PDZRN3: variants seen among roughly 807,000 people sequenced by gnomAD.
The protein encoded by PDZRN3 is PDZ domain containing ring finger 3.
A neutral mutation model predicts 85.7 loss-of-function variants in PDZRN3; 38 were observed. The ratio of observed to expected loss-of-function variants is 0.44; its 90% confidence interval spans 0.34 to 0.58. The LOEUF is 0.58. Among genes scored for constraint, PDZRN3 ranks in the 20% least tolerant of loss-of-function variants. PDZRN3 has a pLI of 0.01. For missense variants in PDZRN3, 1,629 were observed against 1,506.4 expected (o/e 1.08, Z -1.35); for synonymous variants, 759 against 638.0 (o/e 1.19, Z -2.86).
chr3:73,617,576 C>T (rs574915154), intron 1 of PDZRN3, among the ~76,000 whole-genome samples: 1 of 152,290 alleles, frequency 6.6e-6, no homozygotes, highest in South Asian at 2.1e-4. Context: ...ATGTGAGGAG[C>T]TAAACTGCAG....
intron 3 of PDZRN3, among the ~76,000 whole-genome samples, chr3:73,586,509 G>A (rs951125420): frequency 2.0e-5 from 3 of 152,284 alleles, no homozygotes; most frequent in East Asian, 1.9e-4. Flanking sequence ...GAGAATATGC[G>A]GTGTGCAGAG....
At chr3:73,462,113 A>G (rs764922366) in intron 3 of PDZRN3, among the ~76,000 whole-genome samples, 7 of 152,212 alleles carry the variant, frequency 4.6e-5, no homozygotes, top group Non-Finnish European at 8.8e-5. Flanking sequence ...GAAAAGCAAG[A>G]TGTCAGATAG....
rs777325902 is a variant in PDZRN3, at chr3:73,608,671, T to C, written c.737A>G (p.Lys246Arg). The change falls in exon 2 of 10, where the codon AAA becomes AGA. Residue 246 changes from lysine (K) to arginine (R), a missense_variant. Coordinates refer to ENST00000263666, the MANE Select transcript of PDZRN3 (RefSeq NM_015009.3). ...CCGATGCAGGACAAGAGTCAGACTT[T>C]TGGTTTCTTCGCCCTGCAGGTAACA... ...APPGGKGEET[K>R]SLTLVLHRDS... 2.2e-5 allele frequency: 36 copies of C among 1,610,656 alleles called. No individual in the cohort carries two copies. Among genetic ancestry groups the C allele is most frequent in the Non-Finnish European group, 3.1e-5 (36 of 1,177,982 alleles).
At chr3:73,559,348 G>T (rs1164432678) in intron 3 of PDZRN3, among the ~76,000 whole-genome samples, 4 of 152,094 alleles carry the variant, frequency 2.6e-5, no homozygotes, top group African/African-American at 9.7e-5. Flanking sequence ...ATGGAAAGGG[G>T]CAACAAAACC....
Position 73,528,702 on chromosome 3 carries a change from G to A in PDZRN3, c.918+73652C>T, listed in dbSNP as rs374713806. 5.1e-4 allele frequency among the ~76,000 whole-genome samples: 77 copies of A among 152,078 alleles called. No individual in the cohort carries two copies. The South Asian group carries it at 9.3e-3, about 18-fold the overall frequency. ...TGAAGATCAAAAAAAGTAACAAAACGAACCATTTTTAAAGGATGGTGAAAC... is the reference window on the plus strand; with the variant it reads ...TGAAGATCAAAAAAAGTAACAAAACAAACCATTTTTAAAGGATGGTGAAAC... On this transcript the variant is annotated intron_variant, in intron 3 of 9. Coordinates refer to ENST00000263666, the MANE Select transcript of PDZRN3 (RefSeq NM_015009.3).
At chr3:73,530,485 A>AT (rs970266670) in intron 3 of PDZRN3, among the ~76,000 whole-genome samples, 8 of 151,806 alleles carry the variant, frequency 5.3e-5, no homozygotes, top group African/African-American at 9.7e-5. Flanking sequence ...CGCTTTGAGA[A>AT]TTTTTTTTTA....
chr3:73,441,115 T>C (rs1435757331), intron 3 of PDZRN3, among the ~76,000 whole-genome samples: 1 of 152,108 alleles, frequency 6.6e-6, no homozygotes, highest in Non-Finnish European at 1.5e-5. Context: ...ATAACAACCA[T>C]TTAAAAATGT....
intron 3 of PDZRN3, among the ~76,000 whole-genome samples, chr3:73,472,204 G>A (rs1232608366): frequency 6.6e-6 from 1 of 152,198 alleles, no homozygotes; most frequent in Non-Finnish European, 1.5e-5. Context: ...TGTTAGAGCT[G>A]CCAGGCTGGA....
chr3:73,560,080 G>C (rs958682665), intron 3 of PDZRN3, among the ~76,000 whole-genome samples: 8 of 152,358 alleles, frequency 5.3e-5, no homozygotes, highest in African/African-American at 1.9e-4. Context: ...GCACCAGACA[G>C]TGCCTGCTCT....
chr3:73,504,423 A>C (rs1403908315), intron 3 of PDZRN3, among the ~76,000 whole-genome samples: 1 of 152,208 alleles, frequency 6.6e-6, no homozygotes, highest in Admixed American at 6.5e-5. Flanking sequence ...GATGACAAGC[A>C]GGGTTTTTAT....
At chr3:73,512,089 C>T (rs1338687302) in intron 3 of PDZRN3, among the ~76,000 whole-genome samples, 14 of 152,226 alleles carry the variant, frequency 9.2e-5, no homozygotes, top group Non-Finnish European at 2.9e-5. Context: ...CATACACACA[C>T]CTAGGTGTCT....
At chr3:73,397,376 C>T (rs1293435358) in intron 5 of PDZRN3, among the ~76,000 whole-genome samples, 1 of 152,136 alleles carries the variant, frequency 6.6e-6, no homozygotes, top group Non-Finnish European at 1.5e-5. Flanking sequence ...TAAATAACAG[C>T]CTGATTTTTC....
chr3:73,495,655 G>A (rs1197310749), intron 3 of PDZRN3, among the ~76,000 whole-genome samples: 3 of 137,088 alleles, frequency 2.2e-5, no homozygotes, highest in African/African-American at 7.5e-5. Context: ...AATGAACATC[G>A]AGGCATAAGC....
At chr3:73,434,894 C>T (rs959102930) in intron 3 of PDZRN3, among the ~76,000 whole-genome samples, 2 of 152,194 alleles carry the variant, frequency 1.3e-5, no homozygotes, top group African/African-American at 2.4e-5. Context: ...AAGCCTGACA[C>T]CTTTTCTAAA....
chr3:73,465,171 G>C (rs1703187833), intron 3 of PDZRN3, among the ~76,000 whole-genome samples: 1 of 152,184 alleles, frequency 6.6e-6, no homozygotes, highest in South Asian at 2.1e-4. Flanking sequence ...CACAGGCAGA[G>C]TCGGTATAAA....
At chr3:73,524,680 GT>G (rs1309063610) in intron 3 of PDZRN3, among the ~76,000 whole-genome samples, 5 of 152,090 alleles carry the variant, frequency 3.3e-5, no homozygotes, top group African/African-American at 1.2e-4. Flanking sequence ...AGAAATCTAT[GT>G]TTAAAAGGCT....
intron 3 of PDZRN3, among the ~76,000 whole-genome samples, chr3:73,437,702 A>T (rs1702557136): frequency 6.6e-6 from 1 of 152,188 alleles, no homozygotes; most frequent in Non-Finnish European, 1.5e-5. Context: ...CTAAAACAAG[A>T]CATACCAAAG....
intron 3 of PDZRN3, among the ~76,000 whole-genome samples, chr3:73,499,196 C>T (rs774838208): frequency 1.9e-4 from 29 of 152,206 alleles, no homozygotes; most frequent in Non-Finnish European, 1.0e-4. Flanking sequence ...TCAGCAAATG[C>T]CAGGTGCCAG....
intron 4 of PDZRN3, among the ~76,000 whole-genome samples, chr3:73,402,756 A>T (rs1427294185): frequency 6.6e-6 from 1 of 152,168 alleles, no homozygotes; most frequent in Non-Finnish European, 1.5e-5. Context: ...CTACTGAGTT[A>T]CTAGTAGGAA....
Sources: gnomAD v4.1 joint callset for allele counts (sites outside exome capture counted in the v4.1 genomes callset) on GRCh38, gnomAD v4.1.1 for gene constraint, MANE v1.5 for transcripts, NCBI Gene and HGNC (gene_info 2026-07-23, HGNC 2026-07-21) for gene names.